ZNF98: variants seen among roughly 807,000 people sequenced by gnomAD.
ZNF98 encodes zinc finger protein 739.
In ZNF98, 8 loss-of-function variants were observed where a neutral mutation model predicts 12.8. That is an observed-to-expected ratio of 0.63 (90% CI 0.37 to 1.13). ZNF98 has a LOEUF of 1.13. Ranked by LOEUF, ZNF98 falls within the 50% of genes most tolerant of loss-of-function variation. The pLI, the probability that ZNF98 is intolerant of heterozygous loss-of-function variation, is 0.01. For missense variants in ZNF98, 379 were observed against 666.1 expected (o/e 0.57, Z 4.74); for synonymous variants, 112 against 223.5 (o/e 0.50, Z 4.45).
At chr19:22,395,868 A>G (rs1027318064) in intron 3 of ZNF98, among the ~76,000 whole-genome samples, 11 of 123,700 alleles carry the variant, frequency 8.9e-5, no homozygotes, top group African/African-American at 3.1e-4. Context: ...CAAAGTCCTG[A>G]GGGGGGGGAA....
intron 1 of ZNF98, among the ~76,000 whole-genome samples, chr19:22,412,487 A>G (rs1286827479): frequency 1.3e-5 from 2 of 152,140 alleles, no homozygotes; most frequent in Admixed American, 1.3e-4. Context: ...CAGTTTAACA[A>G]CCTGACATCA....
chr19:22,406,409 A>AG (rs1299515147), intron 1 of ZNF98, among the ~76,000 whole-genome samples: 1 of 152,184 alleles, frequency 6.6e-6, no homozygotes, highest in Non-Finnish European at 1.5e-5. Context: ...CTGAAAAAAA[A>AG]CAAACAGAAA....
At chr19:22,400,681 G>GC (rs1969445748) in intron 3 of ZNF98, among the ~76,000 whole-genome samples, 1 of 152,096 alleles carries the variant, frequency 6.6e-6, no homozygotes, top group African/African-American at 2.4e-5. Flanking sequence ...AGGGCCAGGC[G>GC]CGGTGGCTCA....
chr19:22,422,267 G>C lies in ZNF98; in HGVS notation c.-43C>G. On this transcript the variant is annotated 5_prime_UTR_variant, in exon 1 of 4. Coordinates refer to ENST00000357774, the MANE Select transcript of ZNF98 (RefSeq NM_001098626.2). ...AATACCTGCAGGTCACAGGGCCACAGAGGCTGGGCCTCTACGAGCAGAGGA... is the reference window on the plus strand; with the variant it reads ...AATACCTGCAGGTCACAGGGCCACACAGGCTGGGCCTCTACGAGCAGAGGA... The C allele has an allele frequency of 6.2e-7, 1 of 1,608,624 alleles. No homozygotes were observed. The highest frequency in any genetic ancestry group is 8.5e-7 in the Non-Finnish European group (1 of 1,176,280).
At chr19:22,395,564 CAAG>C (rs1399683788) in intron 3 of ZNF98, among the ~76,000 whole-genome samples, 1 of 150,252 alleles carries the variant, frequency 6.7e-6, no homozygotes, top group Non-Finnish European at 1.5e-5. Context: ...AGAATAAAAA[CAAG>C]AATATCAAAA....
chr19:22,418,232 G>C (rs962092066), intron 1 of ZNF98, among the ~76,000 whole-genome samples: 4 of 152,008 alleles, frequency 2.6e-5, no homozygotes, highest in African/African-American at 9.7e-5. Context: ...CTGAGCTACT[G>C]TTTAAAAATT....
intron 1 of ZNF98, among the ~76,000 whole-genome samples, chr19:22,413,532 A>T (rs1969603531): frequency 6.6e-6 from 1 of 152,168 alleles, no homozygotes; most frequent in African/African-American, 2.4e-5. Context: ...CTAACCAGGG[A>T]GGTCAAAGAT....
chr19:22,412,957 G>A (rs1463244777), intron 1 of ZNF98, among the ~76,000 whole-genome samples: 1 of 152,088 alleles, frequency 6.6e-6, no homozygotes, highest in Non-Finnish European at 1.5e-5. Context: ...GGAGGCTGAG[G>A]CAGGAAAATG....
rs529691868 is a variant in ZNF98 at position 22,402,013 on chromosome 19, T to G, written c.253+776A>C. On this transcript the variant is annotated intron_variant, in intron 3 of 3. Coordinates refer to ENST00000357774, the MANE Select transcript of ZNF98 (RefSeq NM_001098626.2). ...CAATATGGTGACACCCCGTCTCTAC[T>G]AAAAATATAAAAATTAGCCAGGCAT... Among the ~76,000 whole-genome samples, 4 of 150,018 alleles carry G rather than the reference T, an allele frequency of 2.7e-5. No homozygotes were observed. In the South Asian group the frequency reaches 8.5e-4, roughly 32 times the overall value.
chr19:22,419,792 G>C (rs1042567534), intron 1 of ZNF98, among the ~76,000 whole-genome samples: 3 of 152,136 alleles, frequency 2.0e-5, no homozygotes, highest in Non-Finnish European at 1.5e-5. Flanking sequence ...ATGAAACTCA[G>C]AAGTCAAGAT....
rs148446754 is a variant in ZNF98 at position 22,403,508 on chromosome 19, A to C, written c.35T>G (p.Val12Gly). The change falls in exon 2 of 4, where the codon GTG becomes GGG. Residue 12 changes from valine (V) to glycine (G), a missense_variant. Physicochemically the swap from Val to Gly is moderately radical, Grantham distance 109. This residue lies in a region of ZNF98 where 223 missense variants were observed against 261.6 expected (regional missense o/e 0.85). Coordinates refer to ENST00000357774, the MANE Select transcript of ZNF98 (RefSeq NM_001098626.2). ...TAAGGCCACATCCCTAAATGTCAAC[A>C]CTCCCTGAAAAACATACAAACACAC... ...PGPLGSLEMG[V>G]LTFRDVALEF... is the part of the protein sequence containing the mutation. 0.026 allele frequency: 41,787 copies of C among 1,592,616 alleles called. 637 individuals are homozygous for C. Among genetic ancestry groups the C allele is most frequent in the Non-Finnish European group, 0.029 (34,025 of 1,174,070 alleles).
chr19:22,401,806 C>T (rs184251522), intron 3 of ZNF98, among the ~76,000 whole-genome samples: 19 of 151,564 alleles, frequency 1.3e-4, no homozygotes, highest in African/African-American at 4.4e-4. Flanking sequence ...ATTAAAGTGC[C>T]GTGTTATCTA....
At chr19:22,403,360 G>A (rs1306570820) in intron 2 of ZNF98, 26 bp downstream of exon 2, 1 of 1,554,666 alleles carries the variant, frequency 6.4e-7, no homozygotes. Flanking sequence ...GTATATTAGG[G>A]AATTGTATAT....
chr19:22,406,907 T>G (rs1159352452), intron 1 of ZNF98, among the ~76,000 whole-genome samples: 1 of 151,856 alleles, frequency 6.6e-6, no homozygotes, highest in African/African-American at 2.4e-5. Flanking sequence ...CCAGCAAGGG[T>G]GCAGAACTGG....
rs982307958 is a variant in ZNF98, at chr19:22,420,385, C to T, written c.30+1810G>A. Among the ~76,000 whole-genome samples the T allele has an allele frequency of 6.4e-4, 97 of 152,000 alleles. 6 individuals carry two copies. Among genetic ancestry groups the T allele is most frequent in the African/African-American group, 4.8e-5 (2 of 41,386 alleles). ...GTCAGGTTTTTTTTCTTTCTTTTGT[C>T]TTTTGGGATACTATTTTTTCTTTCA... is the stretch of plus-strand genomic sequence containing the variant. On this transcript the variant is annotated intron_variant, in intron 1 of 3. Coordinates refer to ENST00000357774, the MANE Select transcript of ZNF98 (RefSeq NM_001098626.2).
At chr19:22,406,818 A>G (rs1969525119) in intron 1 of ZNF98, among the ~76,000 whole-genome samples, 1 of 48,648 alleles carries the variant, frequency 2.1e-5, no homozygotes, top group African/African-American at 7.2e-5. Context: ...CTCCGTCTCA[A>G]AAAAAAAAGA....
intron 1 of ZNF98, among the ~76,000 whole-genome samples, chr19:22,406,600 G>A (rs747130207): frequency 3.9e-5 from 6 of 152,036 alleles, no homozygotes; most frequent in Non-Finnish European, 8.8e-5. Context: ...GGCAGATCAT[G>A]AGGTCAAGAA....
intron 1 of ZNF98, among the ~76,000 whole-genome samples, chr19:22,414,013 G>A (rs2145120955): frequency 6.6e-6 from 1 of 151,712 alleles, no homozygotes; most frequent in Non-Finnish European, 1.5e-5. Context: ...TGAAGCGGCT[G>A]GATCACAAGG....
At chr19:22,398,800 A>T (rs1005191232) in intron 3 of ZNF98, among the ~76,000 whole-genome samples, 2 of 152,318 alleles carry the variant, frequency 1.3e-5, no homozygotes, top group Non-Finnish European at 2.9e-5. Flanking sequence ...TCCCTCACAC[A>T]TAGGAAATAT....
Sources: gnomAD v4.1 joint callset for allele counts (sites outside exome capture counted in the v4.1 genomes callset) on GRCh38, gnomAD v4.1.1 for gene constraint, gnomAD v4.1.1 regional missense constraint, MANE v1.5 for transcripts, NCBI Gene and HGNC (gene_info 2026-07-23, HGNC 2026-07-21) for gene names.